Variants in PHC3 observed in about 807,000 individuals in gnomAD.
The protein encoded by PHC3 is polyhomeotic-like protein 3.
A neutral mutation model predicts 107.4 loss-of-function variants in PHC3; 13 were observed. The observed-to-expected ratio is 0.12, with a 90% CI of 0.08 to 0.19. PHC3 has a LOEUF of 0.19. Among genes scored for constraint, PHC3 ranks in the 10% least tolerant of loss-of-function variants. The pLI, the probability that PHC3 is intolerant of heterozygous loss-of-function variation, is 1.00. For synonymous variants in PHC3, 456 were observed against 427.4 expected, an observed-to-expected ratio of 1.07 and a Z score of -0.83; for missense variants, 992 against 1,210.9, an observed-to-expected ratio of 0.82 and a Z score of 2.68.
chr3:170,111,224 G>A (rs934341797), intron 11 of PHC3, among the ~76,000 whole-genome samples: 2 of 151,040 alleles, frequency 1.3e-5, no homozygotes, highest in African/African-American at 4.9e-5. Context: ...GCACACTGAC[G>A]TATGTACCGG....
chr3:170,116,584 A>C (rs564185813), intron 10 of PHC3, among the ~76,000 whole-genome samples: 1 of 152,040 alleles, frequency 6.6e-6, no homozygotes, highest in African/African-American at 2.4e-5. Flanking sequence ...CAAATAAATA[A>C]ATAAAAATAA....
At chr3:170,181,121 A>G (rs1003012937) in intron 1 of PHC3, among the ~76,000 whole-genome samples, 1 of 152,170 alleles carries the variant, frequency 6.6e-6, no homozygotes, top group Non-Finnish European at 1.5e-5. Flanking sequence ...CCTTTCTTTC[A>G]GGGTGTTTTC....
At chr3:170,155,117 G>T (rs1427567503) in intron 4 of PHC3, among the ~76,000 whole-genome samples, 1 of 152,186 alleles carries the variant, frequency 6.6e-6, no homozygotes, top group African/African-American at 2.4e-5. Context: ...AAACAAGTCT[G>T]CCAGAAAAAG....
rs117685456 is a variant in PHC3, at chr3:170,100,733, T to C, written c.2833+1746A>G. 3.9e-3 allele frequency among the ~76,000 whole-genome samples: 593 copies of C among 152,308 alleles called. 20 individuals carry two copies. In the East Asian group the frequency reaches 0.098, roughly 25 times the overall value. Reference sequence around the variant, plus strand: ...AATGAGGCAAAGGAATTTGCCTTTGTTCTGGTAAAGTAGCCACATGGCAAA... The same window carrying C: ...AATGAGGCAAAGGAATTTGCCTTTGCTCTGGTAAAGTAGCCACATGGCAAA... On this transcript the variant is annotated intron_variant, in intron 14 of 14. Coordinates refer to ENST00000495893, the MANE Select transcript of PHC3 (RefSeq NM_024947.4).
At chr3:170,108,806 T>C (rs903236547) in intron 11 of PHC3, among the ~76,000 whole-genome samples, 1 of 152,190 alleles carries the variant, frequency 6.6e-6, no homozygotes, top group Non-Finnish European at 1.5e-5. Context: ...CTCAGGGTTA[T>C]TCCAGGAACA....
At chr3:170,181,334 A>T (rs912488778) in intron 1 of PHC3, among the ~76,000 whole-genome samples, 11 of 151,692 alleles carry the variant, frequency 7.3e-5, no homozygotes, top group Admixed American at 5.9e-4. Context: ...GCCCCTGCGC[A>T]GGCAGCCGTA....
chr3:170,170,987 T>C (rs1347491799), intron 4 of PHC3: 6 of 216,356 alleles, frequency 2.8e-5, no homozygotes, highest in Non-Finnish European at 4.5e-5. Context: ...AAAATGTGAA[T>C]TGCACAAAGT....
chr3:170,178,304 C>A (rs1190541322), intron 2 of PHC3, among the ~76,000 whole-genome samples: 1 of 151,960 alleles, frequency 6.6e-6, no homozygotes, highest in Non-Finnish European at 1.5e-5. Flanking sequence ...CCACTGCGCC[C>A]GGCTAATTTT....
chr3:170,110,858 T>A (rs1717506766), intron 11 of PHC3, among the ~76,000 whole-genome samples: 1 of 152,200 alleles, frequency 6.6e-6, no homozygotes, highest in African/African-American at 2.4e-5. Context: ...GGAGACACAT[T>A]ATAAATACTT....
chr3:170,136,350 T>A lies in PHC3; in HGVS notation c.919+69A>T. 2 of 1,577,866 alleles carry A rather than the reference T, an allele frequency of 1.3e-6. 1 individual carries two copies. ...GTCACTCCTGTTCAAGTCATGAACATCCTTTGTTTTGCTCTGTCTGCTAAG... is the reference window on the plus strand; with the variant it reads ...GTCACTCCTGTTCAAGTCATGAACAACCTTTGTTTTGCTCTGTCTGCTAAG... On this transcript the variant is annotated intron_variant, in intron 7 of 14. Transcript: ENST00000495893.
intron 7 of PHC3, among the ~76,000 whole-genome samples, chr3:170,133,179 T>A (rs930109454): frequency 2.0e-5 from 3 of 151,538 alleles, no homozygotes; most frequent in South Asian, 4.1e-4. Context: ...CGCTTCAGAT[T>A]AACTTTTTTT....
chr3:170,111,317 G>GGAAGGAACGAACGAACGAAC (rs1553779856), intron 11 of PHC3, among the ~76,000 whole-genome samples: 3 of 107,426 alleles, frequency 2.8e-5, no homozygotes, highest in Non-Finnish European at 2.0e-5. Flanking sequence ...AAGGAAGGAA[G>GGAAGGAACGAACGAACGAAC]GAACGAACGA....
intron 10 of PHC3, 143 bp from the exon 11 acceptor site, chr3:170,113,662 T>A (rs1718303635): frequency 1.4e-6 from 1 of 720,644 alleles, no homozygotes; most frequent in Admixed American, 3.2e-5. Flanking sequence ...AAGTGCCTTA[T>A]TCCTTGGGAA....
chr3:170,165,728 T>TG (rs1728624296), intron 4 of PHC3, among the ~76,000 whole-genome samples: 1 of 124,962 alleles, frequency 8.0e-6, no homozygotes, highest in Non-Finnish European at 1.6e-5. Flanking sequence ...TACTCCAGCC[T>TG]GGGTGACAGA....
intron 8 of PHC3, among the ~76,000 whole-genome samples, chr3:170,123,476 A>G (rs754135771): frequency 2.0e-5 from 3 of 151,956 alleles, no homozygotes; most frequent in Non-Finnish European, 4.4e-5. Flanking sequence ...TTGTTATCCA[A>G]TTGTAAAGAT....
chr3:170,168,938 G>T (rs7646921), intron 4 of PHC3, among the ~76,000 whole-genome samples: 1,731 of 150,344 alleles, frequency 0.012, 27 homozygotes, highest in African/African-American at 0.04. Flanking sequence ...CTTGCGACCA[G>T]AAGTGTTTCG....
At chr3:170,179,718 C>T (rs1489605010) in intron 1 of PHC3, among the ~76,000 whole-genome samples, 1 of 152,188 alleles carries the variant, frequency 6.6e-6, no homozygotes, top group African/African-American at 2.4e-5. Flanking sequence ...CCCTCCAATA[C>T]TATAATCTTA....
intron 9 of PHC3, among the ~76,000 whole-genome samples, chr3:170,120,323 T>C (rs893731991): frequency 5.3e-5 from 8 of 152,164 alleles, no homozygotes; most frequent in African/African-American, 9.7e-5. Flanking sequence ...CAGTGGCTCA[T>C]GTCTGTAATC....
chr3:170,114,170 T>C (rs773527712), intron 10 of PHC3, among the ~76,000 whole-genome samples: 19 of 152,086 alleles, frequency 1.2e-4, no homozygotes, highest in Non-Finnish European at 5.9e-5. Flanking sequence ...CCACCGCGCC[T>C]GGCTAATTTT....
Sources: allele counts gnomAD v4.1 joint callset (sites outside exome capture counted in the v4.1 genomes callset), GRCh38; gene constraint gnomAD v4.1.1; transcripts MANE v1.5; gene names NCBI Gene and HGNC (gene_info 2026-07-23, HGNC 2026-07-21).